TRAF3IP3: variants seen among roughly 807,000 people sequenced by gnomAD.
The protein encoded by TRAF3IP3 is TRAF3-interacting JNK-activating modulator.
Under a neutral mutation model 86.5 loss-of-function variants are expected in TRAF3IP3, and 64 were observed. The observed-to-expected ratio is 0.74, with a 90% CI of 0.60 to 0.91. The LOEUF is 0.91. Ranked by LOEUF, TRAF3IP3 falls within the 40% of genes least tolerant of loss-of-function variation. The probability of loss-of-function intolerance (pLI) is 0.00; values close to 1 mark genes in which losing one functional copy is unlikely to be tolerated. For missense variants in TRAF3IP3, 579 were observed against 642.9 expected, an observed-to-expected ratio of 0.90 and a Z score of 1.07; for synonymous variants, 220 against 243.9, an observed-to-expected ratio of 0.90 and a Z score of 0.91.
At position 209,779,876 on chromosome 1, in the gene TRAF3IP3, T is replaced by C. The variant is rs1292425107; in HGVS notation, c.1312+502T>C. ...TTCACAATCATTGGGCATAATATAA[T>C]AGATAAGGCAGAAATTTTTATGCTC... On this transcript the variant is annotated intron_variant, in intron 14 of 16. Coordinates refer to ENST00000367025, the MANE Select transcript of TRAF3IP3 (RefSeq NM_025228.4). The C allele has an allele frequency of 2.5e-5, 5 of 202,542 alleles. No individual in the cohort carries two copies. In the South Asian group the frequency reaches 3.1e-4, roughly 12 times the overall value. 12.5% of individuals were successfully genotyped at this position (202,542 alleles called of 1,614,324 possible). A position where few individuals can be genotyped will look rare whatever the true frequency, so the allele number is the denominator to read the frequency against.
chr1:209,777,344 C>G lies in TRAF3IP3; in HGVS notation c.1054-8C>G, dbSNP rs759909729. ...TCCTTCTATATTGGCCCTTCCTCCT[C>G]CTTACAGGGAGCAGATAGCAGGGAC... On this transcript the variant is annotated splice_region_variant and splice_polypyrimidine_tract_variant and intron_variant, in intron 11 of 16. Transcript: ENST00000367025. 1.9e-6 allele frequency: 3 copies of G among 1,613,142 alleles called. No individual in the cohort carries two copies. The highest frequency in any genetic ancestry group is 2.2e-5 in the South Asian group (2 of 91,006).
chr1:209,775,321 T>C, intron 9 of TRAF3IP3, 28 bp from the exon 10 acceptor site: 1 of 1,589,334 alleles, frequency 6.3e-7, no homozygotes, highest in Non-Finnish European at 8.6e-7. Context: ...GCTCAATGTG[T>C]ATTTGTTGAA....
intron 12 of TRAF3IP3, 108 bp downstream of exon 12, chr1:209,777,595 G>A: frequency 1.7e-6 from 2 of 1,155,020 alleles, no homozygotes. Flanking sequence ...TTGTTTGCTT[G>A]ATTGGTTGAT....
intron 8 of TRAF3IP3, among the ~76,000 whole-genome samples, chr1:209,772,319 T>C (rs946347974): frequency 3.3e-5 from 5 of 152,172 alleles, no homozygotes; most frequent in African/African-American, 9.7e-5. Flanking sequence ...AGTGCCCTGA[T>C]CTCCTCTTTT....
chr1:209,765,178 G>GGAGAGAGAGAGAGA lies in TRAF3IP3; in HGVS notation c.702+1613_702+1626dup, dbSNP rs375415223. Reference sequence around the variant, plus strand: ...TGACAGAGCAGGACTCTGAGAGACAGGAGAGAGAGAGAGAGAGAGAGAGAG... The same window carrying GGAGAGAGAGAGAGA: ...TGACAGAGCAGGACTCTGAGAGACAGGAGAGAGAGAGAGAGAGAGAGAGAGAGAGAGAGAGAGAG... On this transcript the variant is annotated intron_variant, in intron 8 of 16. Transcript: ENST00000367025. Among the ~76,000 whole-genome samples the GGAGAGAGAGAGAGA allele has an allele frequency of 1.1e-4, 10 of 87,870 alleles. 1 individual carries two copies. The East Asian group carries it at 1.6e-3, about 14-fold the overall frequency. The allele number at this position is 87,870 out of a possible 152,430, so 57.6% of individuals were successfully genotyped here.
At chr1:209,763,439 C>T in intron 7 of TRAF3IP3, 47 bp downstream of exon 7, 1 of 1,613,096 alleles carries the variant, frequency 6.2e-7, no homozygotes, top group African/African-American at 1.3e-5. Flanking sequence ...TCCACTTACC[C>T]CCGATCCTCC....
intron 9 of TRAF3IP3, 139 bp from the exon 10 acceptor site, chr1:209,775,210 C>T: frequency 2.5e-6 from 2 of 787,862 alleles, no homozygotes; most frequent in South Asian, 3.6e-5. Context: ...GCTAGCTCTA[C>T]CCTAAAAGAA....
chr1:209,775,164 C>T, intron 9 of TRAF3IP3, 185 bp from the exon 10 acceptor site: 1 of 620,642 alleles, frequency 1.6e-6, no homozygotes, highest in Admixed American at 3.0e-5. Flanking sequence ...TTATTATGCC[C>T]TCCACTCATC....
chr1:209,781,472 T>G lies in TRAF3IP3; in HGVS notation c.1563+14T>G. 6.3e-7 allele frequency: 1 copy of G among 1,587,670 alleles called. No individual in the cohort carries two copies. The highest frequency in any genetic ancestry group is 8.6e-7 in the Non-Finnish European group (1 of 1,156,492). On this transcript the variant is annotated intron_variant, in intron 16 of 16. Transcript: ENST00000367025. ...CTGCCTCCCAGAGTAAGAGGGTCTC[T>G]CCTTCCCATAAAGCCCTGGATGATG...
intron 8 of TRAF3IP3, 23 bp from the exon 9 acceptor site, chr1:209,772,925 T>C (rs1455241668): frequency 6.2e-7 from 1 of 1,612,028 alleles, no homozygotes; most frequent in South Asian, 1.1e-5. Flanking sequence ...CCCAAGCTCA[T>C]TAACTCATCC....
Position 209,760,005 on chromosome 1 carries a change from T to C in TRAF3IP3, c.-35T>C, listed in dbSNP as rs971290701. 6.4e-7 allele frequency: 1 copy of C among 1,567,734 alleles called. No individual in the cohort carries two copies. Among genetic ancestry groups the C allele is most frequent in the Non-Finnish European group, 8.7e-7 (1 of 1,143,100 alleles). ...AGATCCAGGCATCTATTCCAGGAAC[T>C]GGAAGCCAAGCGCAACAGGTGCTTG... On this transcript the variant is annotated 5_prime_UTR_variant, in exon 3 of 17. Transcript: ENST00000367025.
intron 7 of TRAF3IP3, 47 bp from the exon 8 acceptor site, chr1:209,763,445 C>A: frequency 6.2e-7 from 1 of 1,612,830 alleles, no homozygotes; most frequent in Non-Finnish European, 8.5e-7. Flanking sequence ...TACCCCCGAT[C>A]CTCCAGGTTA....
intron 9 of TRAF3IP3, among the ~76,000 whole-genome samples, chr1:209,774,050 T>TC (rs2077601497): frequency 6.6e-6 from 1 of 152,226 alleles, no homozygotes; most frequent in Non-Finnish European, 1.5e-5. Flanking sequence ...AATGATTTCA[T>TC]ATTGATCCCT....
At chr1:209,775,225 C>G (rs1429009106) in intron 9 of TRAF3IP3, 124 bp from the exon 10 acceptor site, 3 of 877,822 alleles carry the variant, frequency 3.4e-6, no homozygotes, top group Non-Finnish European at 5.3e-6. Context: ...AAAGAAATGG[C>G]TCACTAGATT....
At chr1:209,762,486 G>A in intron 3 of TRAF3IP3, 29 bp from the exon 4 acceptor site, 1 of 1,443,302 alleles carries the variant, frequency 6.9e-7, no homozygotes, top group African/African-American at 1.5e-5. Flanking sequence ...CCAGGCAGTG[G>A]TTTTCAGCAT....
At chr1:209,773,831 A>T (rs2077596712) in intron 9 of TRAF3IP3, among the ~76,000 whole-genome samples, 1 of 152,256 alleles carries the variant, frequency 6.6e-6, no homozygotes, top group Non-Finnish European at 1.5e-5. Flanking sequence ...TATATAATCC[A>T]GAATGCCAGT....
rs117217345 is a variant in TRAF3IP3, at chr1:209,764,443, C to A, written c.702+856C>A. Among the ~76,000 whole-genome samples, 31 of 152,164 alleles carry A rather than the reference C, an allele frequency of 2.0e-4. No individual in the cohort carries two copies. In the East Asian group the frequency reaches 5.8e-3, roughly 28 times the overall value. ...AATAGTATTTTAGTTGGGGTACAGGCAAAGGTCTAAAGGCAAGGCCGGGGG... is the reference window on the plus strand; with the variant it reads ...AATAGTATTTTAGTTGGGGTACAGGAAAAGGTCTAAAGGCAAGGCCGGGGG... On this transcript the variant is annotated intron_variant, in intron 8 of 16. Coordinates refer to ENST00000367025, the MANE Select transcript of TRAF3IP3 (RefSeq NM_025228.4).
At chr1:209,777,565 G>C in intron 12 of TRAF3IP3, 78 bp downstream of exon 12, 1 of 1,437,724 alleles carries the variant, frequency 7.0e-7, no homozygotes, top group Admixed American at 2.3e-5. Context: ...TGAATTAAGA[G>C]AAAGGCTTCA....
At chr1:209,757,895 T>A (rs79256497) in intron 1 of TRAF3IP3, among the ~76,000 whole-genome samples, 1 of 152,218 alleles carries the variant, frequency 6.6e-6, no homozygotes, top group Non-Finnish European at 1.5e-5. Flanking sequence ...CCTAGCCCCA[T>A]TTTATAAATG....
Sources: gnomAD v4.1 joint callset for allele counts (sites outside exome capture counted in the v4.1 genomes callset) on GRCh38, gnomAD v4.1.1 for gene constraint, MANE v1.5 for transcripts, NCBI Gene and HGNC (gene_info 2026-07-23, HGNC 2026-07-21) for gene names.